ACBD6: variants seen among roughly 807,000 people sequenced by gnomAD.
The protein encoded by ACBD6 is acyl-CoA binding domain containing 6, also known as acyl-CoA-binding domain-containing protein 6.
Under a neutral mutation model 37.2 loss-of-function variants are expected in ACBD6, and 28 were observed. That is an observed-to-expected ratio of 0.75 (90% CI 0.56 to 1.03). The LOEUF is 1.03. ACBD6 is among the 50% of genes least tolerant of loss of function. The probability of loss-of-function intolerance (pLI) is 0.00; values close to 1 mark genes in which losing one functional copy is unlikely to be tolerated. For missense variants in ACBD6, 340 were observed against 337.4 expected (o/e 1.01, Z -0.06); for synonymous variants, 113 against 126.8 (o/e 0.89, Z 0.73).
intron 6 of ACBD6, among the ~76,000 whole-genome samples, chr1:180,343,055 T>A (rs1266703459): frequency 6.6e-6 from 1 of 152,062 alleles, no homozygotes; most frequent in African/African-American, 2.4e-5. Flanking sequence ...CAGCAGAAAC[T>A]ATTCTAATGA....
intron 5 of ACBD6, among the ~76,000 whole-genome samples, chr1:180,411,887 G>T (rs1647873371): frequency 6.6e-6 from 1 of 151,994 alleles, no homozygotes; most frequent in Non-Finnish European, 1.5e-5. Context: ...GGCCAGGCTG[G>T]TCTCAAGCTC....
At chr1:180,366,713 G>A (rs1208864261) in intron 6 of ACBD6, among the ~76,000 whole-genome samples, 1 of 152,090 alleles carries the variant, frequency 6.6e-6, no homozygotes, top group Non-Finnish European at 1.5e-5. Flanking sequence ...ATTGTGAATA[G>A]GAATATGGGT....
At chr1:180,408,374 A>G (rs1255572279) in intron 5 of ACBD6, among the ~76,000 whole-genome samples, 1 of 152,254 alleles carries the variant, frequency 6.6e-6, no homozygotes, top group Non-Finnish European at 1.5e-5. Flanking sequence ...TTGTAGGGAC[A>G]TGGATGAAAT....
chr1:180,434,034 T>G (rs998098429), intron 3 of ACBD6, among the ~76,000 whole-genome samples: 4 of 152,022 alleles, frequency 2.6e-5, no homozygotes, highest in Non-Finnish European at 5.9e-5. Flanking sequence ...AAACCAAAAA[T>G]AAAGTTCTAA....
chr1:180,471,586 G>A (rs1483180224), intron 3 of ACBD6, among the ~76,000 whole-genome samples: 2 of 151,960 alleles, frequency 1.3e-5, no homozygotes, highest in African/African-American at 2.4e-5. Flanking sequence ...ACATGGTGAC[G>A]GCAAGAGAAA....
At chr1:180,448,585 C>T (rs550492231) in intron 3 of ACBD6, among the ~76,000 whole-genome samples, 2 of 152,192 alleles carry the variant, frequency 1.3e-5, no homozygotes, top group South Asian at 4.1e-4. Flanking sequence ...AAGCTTTATA[C>T]TGGAAGAAAG....
chr1:180,486,990 T>C (rs1285633657), intron 3 of ACBD6, among the ~76,000 whole-genome samples: 2 of 151,874 alleles, frequency 1.3e-5, no homozygotes, highest in African/African-American at 4.8e-5. Context: ...AACTGGTCTG[T>C]AATCTGCAAA....
At chr1:180,376,434 C>T (rs1300405920) in intron 6 of ACBD6, among the ~76,000 whole-genome samples, 1 of 152,106 alleles carries the variant, frequency 6.6e-6, no homozygotes, top group Non-Finnish European at 1.5e-5. Context: ...TACCTAAATG[C>T]CCACAGAATA....
intron 6 of ACBD6, among the ~76,000 whole-genome samples, chr1:180,396,744 GAT>G (rs142477103): frequency 0.1 from 15,803 of 152,108 alleles, 1,166 homozygotes; most frequent in African/African-American, 0.2. Context: ...ACCATGATGA[GAT>G]ATCACTTCAT....
intron 1 of ACBD6, among the ~76,000 whole-genome samples, chr1:180,500,095 C>T (rs1365513553): frequency 2.9e-5 from 4 of 137,596 alleles, no homozygotes; most frequent in African/African-American, 1.1e-4. Flanking sequence ...GCCTGAGCAA[C>T]GAAACAAGAT....
At chr1:180,404,000 G>T (rs1212175980) in intron 5 of ACBD6, among the ~76,000 whole-genome samples, 1 of 152,096 alleles carries the variant, frequency 6.6e-6, no homozygotes, top group Non-Finnish European at 1.5e-5. Flanking sequence ...ACCCAGGCTG[G>T]AGTGCAGTGG....
At chr1:180,294,170 C>A (rs761403772) in intron 7 of ACBD6, among the ~76,000 whole-genome samples, 3 of 152,110 alleles carry the variant, frequency 2.0e-5, no homozygotes, top group Non-Finnish European at 4.4e-5. Flanking sequence ...GCTGGGATCA[C>A]AGGTGTGAGC....
intron 6 of ACBD6, among the ~76,000 whole-genome samples, chr1:180,318,994 A>G (rs2149293567): frequency 6.6e-6 from 1 of 152,106 alleles, no homozygotes; most frequent in East Asian, 1.9e-4. Context: ...ATTATATTTT[A>G]TTCTGCATTT....
chr1:180,501,992 G>A, intron 1 of ACBD6, 53 bp downstream of exon 1: 2 of 1,563,992 alleles, frequency 1.3e-6, no homozygotes, highest in East Asian at 4.5e-5. Flanking sequence ...CAGTTGTTGA[G>A]GAAGAAGGCT....
chr1:180,459,144 G>GT (rs1650029638), intron 3 of ACBD6, among the ~76,000 whole-genome samples: 1 of 152,058 alleles, frequency 6.6e-6, no homozygotes, highest in Non-Finnish European at 1.5e-5. Context: ...TAGACAATCT[G>GT]GTAGTCTAAC....
chr1:180,500,037 C>G (rs1256596395), intron 1 of ACBD6, among the ~76,000 whole-genome samples: 3 of 151,582 alleles, frequency 2.0e-5, no homozygotes, highest in African/African-American at 7.3e-5. Flanking sequence ...CGCTTGAAGC[C>G]AGAAGCTTCA....
At chr1:180,418,681 C>T (rs1431032441) in intron 4 of ACBD6, among the ~76,000 whole-genome samples, 4 of 152,052 alleles carry the variant, frequency 2.6e-5, no homozygotes, top group Non-Finnish European at 5.9e-5. Flanking sequence ...ACACTGAAAA[C>T]CCCCACTTCT....
intron 1 of ACBD6, among the ~76,000 whole-genome samples, chr1:180,498,157 G>A (rs2102102754): frequency 6.6e-6 from 1 of 152,290 alleles, no homozygotes; most frequent in Non-Finnish European, 1.5e-5. Context: ...TCACATTCAT[G>A]ACTGTCACCA....
intron 7 of ACBD6, among the ~76,000 whole-genome samples, chr1:180,309,396 A>C (rs1650503520): frequency 6.6e-6 from 1 of 152,214 alleles, no homozygotes; most frequent in South Asian, 2.1e-4. Context: ...ATTCACTCCT[A>C]ATGGTTAACT....
Sources: gnomAD v4.1 joint callset for allele counts (sites outside exome capture counted in the v4.1 genomes callset) on GRCh38, gnomAD v4.1.1 for gene constraint, MANE v1.5 for transcripts, NCBI Gene and HGNC (gene_info 2026-07-23, HGNC 2026-07-21) for gene names.